The following KYAT1 variants were observed in gnomAD, a reference collection of about 807,000 sequenced individuals.
KYAT1 encodes kynurenine aminotransferase 1, also known as kynurenine--oxoglutarate transaminase 1.
Under a neutral mutation model 52.4 loss-of-function variants are expected in KYAT1, and 47 were observed. The observed-to-expected ratio is 0.90, with a 90% CI of 0.71 to 1.14. The LOEUF (loss-of-function observed/expected upper bound fraction) is 1.14, where lower values mean the gene tolerates loss of function less well. Ranked by LOEUF, KYAT1 falls within the 50% of genes most tolerant of loss-of-function variation. The pLI is 0.00. For synonymous variants in KYAT1, 212 were observed against 209.6 expected (o/e 1.01, Z -0.10); for missense variants, 480 against 557.9 (o/e 0.86, Z 1.41).
In KYAT1 at chr9:128,851,597, C is replaced by G. The variant is rs183704819; in HGVS notation, c.-6-6186G>C. 5.7e-4 allele frequency among the ~76,000 whole-genome samples: 87 copies of G among 152,262 alleles called. 1 individual carries two copies. The East Asian group carries it at 0.015, about 26-fold the overall frequency. On this transcript the variant is annotated intron_variant, in intron 1 of 12. Coordinates refer to ENST00000302586, the MANE Select transcript of KYAT1 (RefSeq NM_004059.5). The stretch of plus-strand genomic sequence containing the variant: ...AACAAGCAAGTAGGGAAGGTAAAAT[C>G]ATCCCACTTACAGTATGGAATGATT...
At position 128,846,736 on chromosome 9, in the gene KYAT1, C is replaced by T. The variant is rs138304702; in HGVS notation, c.-6-1325G>A. 10,557 of 1,535,226 alleles carry T rather than the reference C, an allele frequency of 6.9e-3. 42 individuals carry two copies. Among genetic ancestry groups the T allele is most frequent in the Non-Finnish European group, 8.4e-3 (9,598 of 1,146,644 alleles). The stretch of plus-strand genomic sequence containing the variant: ...GCTCCTCCTGTCCTCAGAATCCCTT[C>T]AGCAGCAGGGACCTCACATGGGCTT... On this transcript the variant is annotated intron_variant, in intron 1 of 12. Transcript: ENST00000302586.
intron 1 of KYAT1, among the ~76,000 whole-genome samples, chr9:128,878,942 C>T (rs960552962): frequency 1.3e-5 from 2 of 152,130 alleles, no homozygotes; most frequent in Non-Finnish European, 2.9e-5. Context: ...ATGACTTACT[C>T]GAAGTCCCAG....
chr9:128,872,670 G>C (rs1036140848), intron 1 of KYAT1, among the ~76,000 whole-genome samples: 5 of 151,890 alleles, frequency 3.3e-5, no homozygotes, highest in Admixed American at 3.3e-4. Context: ...GGGAGGCTGA[G>C]ACAGGAGACC....
intron 1 of KYAT1, among the ~76,000 whole-genome samples, chr9:128,876,386 A>G (rs1588164709): frequency 1.4e-5 from 2 of 148,054 alleles, no homozygotes; most frequent in South Asian, 2.1e-4. Context: ...GGCATGAGAC[A>G]CCACACCCAG....
chr9:128,855,480 G>T (rs1307742571), intron 1 of KYAT1, among the ~76,000 whole-genome samples: 2 of 152,236 alleles, frequency 1.3e-5, no homozygotes, highest in African/African-American at 4.8e-5. Context: ...ATCGGAACAA[G>T]AAATCATAAG....
rs1280846751 is a variant in KYAT1, at chr9:128,833,582, G to A, written c.*2C>T. 1.2e-6 allele frequency: 2 copies of A among 1,614,098 alleles called. No individual in the cohort carries two copies. Among genetic ancestry groups the A allele is most frequent in the Admixed American group, 1.7e-5 (1 of 60,018 alleles). ...TGTCAGGGCCAAGGCGTGACTTCAGGGCTAGAGTTCCACCTTCCACTTCCG... is the reference window on the plus strand; with the variant it reads ...TGTCAGGGCCAAGGCGTGACTTCAGAGCTAGAGTTCCACCTTCCACTTCCG... On this transcript the variant is annotated 3_prime_UTR_variant, in exon 13 of 13. Coordinates refer to ENST00000302586, the MANE Select transcript of KYAT1 (RefSeq NM_004059.5).
At chr9:128,840,863 T>G (rs535458826) in intron 3 of KYAT1, among the ~76,000 whole-genome samples, 21 of 152,368 alleles carry the variant, frequency 1.4e-4, no homozygotes, top group Middle Eastern at 3.4e-3. Flanking sequence ...AATATCCACC[T>G]ATTGTATTTA....
chr9:128,879,324 G>A (rs1394371861), intron 1 of KYAT1, among the ~76,000 whole-genome samples: 21 of 151,940 alleles, frequency 1.4e-4, no homozygotes, highest in Non-Finnish European at 2.9e-5. Context: ...AAAAAAAAAG[G>A]AATTATGCAG....
At chr9:128,840,346 C>T (rs575506076) in intron 3 of KYAT1, among the ~76,000 whole-genome samples, 7 of 152,286 alleles carry the variant, frequency 4.6e-5, no homozygotes, top group African/African-American at 1.7e-4. Context: ...GCAACCTCCG[C>T]CTCCCGGGTT....
chr9:128,871,575 G>GGT, intron 1 of KYAT1, among the ~76,000 whole-genome samples: 1 of 152,072 alleles, frequency 6.6e-6, no homozygotes, highest in East Asian at 1.9e-4. Context: ...AGCTGGGTGT[G>GGT]GTGGTGCATG....
At chr9:128,841,710 A>G (rs1268471992) in intron 3 of KYAT1, among the ~76,000 whole-genome samples, 1 of 150,390 alleles carries the variant, frequency 6.6e-6, no homozygotes, top group East Asian at 2.0e-4. Context: ...AAAAAAAAAA[A>G]AAAGAATGAG....
In KYAT1 at chr9:128,868,535, TTC is replaced by T. The variant is rs1054524008; in HGVS notation, c.-7+13360_-7+13361del. ...GTCTCCCAAGTAGCTGGACATTTTT[TTC>T]TTTTTTTCCTTTTTTTTGAGACAGG... On this transcript the variant is annotated intron_variant, in intron 1 of 12. Transcript: ENST00000302586. 7.2e-5 allele frequency among the ~76,000 whole-genome samples: 11 copies of T among 152,060 alleles called. No homozygotes were observed. The East Asian group carries it at 2.1e-3, about 29-fold the overall frequency.
Position 128,835,673 on chromosome 9 carries a change from C to T in KYAT1, c.856-6G>A, listed in dbSNP as rs1410944514. The T allele has an allele frequency of 6.2e-7, 1 of 1,608,654 alleles. No individual in the cohort carries two copies. Among genetic ancestry groups the T allele is most frequent in the Non-Finnish European group, 8.5e-7 (1 of 1,179,270 alleles). On this transcript the variant is annotated splice_polypyrimidine_tract_variant and splice_region_variant and intron_variant, in intron 9 of 12. Coordinates refer to ENST00000302586, the MANE Select transcript of KYAT1 (RefSeq NM_004059.5). ...AAGCTCTCGGCTACTGCAGCCTGGG[C>T]AGGGCAGATGGACACACAGATAGAT...
intron 1 of KYAT1, among the ~76,000 whole-genome samples, chr9:128,850,717 G>A (rs924624093): frequency 6.6e-6 from 1 of 152,230 alleles, no homozygotes; most frequent in African/African-American, 2.4e-5. Flanking sequence ...TCATGAAGTT[G>A]AGATAGAGGA....
intron 3 of KYAT1, chr9:128,842,055 G>A (rs1194704982): frequency 4.0e-6 from 1 of 248,718 alleles, no homozygotes; most frequent in Non-Finnish European, 8.3e-6. Context: ...AGCTGGGCAT[G>A]GTGATGCACA....
intron 1 of KYAT1, among the ~76,000 whole-genome samples, chr9:128,875,411 CGA>C (rs1422092042): frequency 6.6e-6 from 1 of 151,576 alleles, no homozygotes; most frequent in East Asian, 1.9e-4. Context: ...GTCAGGAGTT[CGA>C]GACCAGCCTG....
At position 128,835,478 on chromosome 9, in the gene KYAT1, C is replaced by T; in HGVS notation, c.1042+3G>A. ...CCTGCCCAGACCGGCAAGTCTCACT[C>T]ACTGAAGTCTGAGATGTCTGTGATG... On this transcript the variant is annotated splice_donor_region_variant and intron_variant, in intron 10 of 12. Coordinates refer to ENST00000302586, the MANE Select transcript of KYAT1 (RefSeq NM_004059.5). 2 of 1,613,894 alleles carry T rather than the reference C, an allele frequency of 1.2e-6. No homozygotes were observed. The highest frequency in any genetic ancestry group is 1.7e-6 in the Non-Finnish European group (2 of 1,180,016).
At chr9:128,875,460 A>G (rs1265653034) in intron 1 of KYAT1, among the ~76,000 whole-genome samples, 1 of 151,758 alleles carries the variant, frequency 6.6e-6, no homozygotes, top group African/African-American at 2.4e-5. Context: ...CAAAAATACA[A>G]AAATTAGCCG....
chr9:128,835,269 G>C (rs1031300237), intron 11 of KYAT1, 54 bp downstream of exon 11: 2 of 1,474,914 alleles, frequency 1.4e-6, no homozygotes, highest in African/African-American at 2.8e-5. Context: ...GCACCCTTGA[G>C]CAGCACACAA....
Sources: gnomAD v4.1 joint callset for allele counts (sites outside exome capture counted in the v4.1 genomes callset) on GRCh38, gnomAD v4.1.1 for gene constraint, MANE v1.5 for transcripts, NCBI Gene and HGNC (gene_info 2026-07-23, HGNC 2026-07-21) for gene names.